The following CENATAC variants were observed in gnomAD, a reference collection of about 807,000 sequenced individuals.
CENATAC encodes the protein centrosomal AT-AC splicing factor, also known as coiled-coil domain containing 84.
Under a neutral mutation model 53.7 loss-of-function variants are expected in CENATAC, and 53 were observed. The observed-to-expected ratio is 0.99, with a 90% CI of 0.79 to 1.24. CENATAC has a LOEUF of 1.24. Ranked by LOEUF, CENATAC falls within the 50% of genes most tolerant of loss-of-function variation. The probability of loss-of-function intolerance (pLI) is 0.00; values close to 1 mark genes in which losing one functional copy is unlikely to be tolerated. For synonymous variants in CENATAC, 156 were observed against 144.6 expected (o/e 1.08, Z -0.57); for missense variants, 474 against 417.8 (o/e 1.13, Z -1.17).
In CENATAC at chr11:119,015,099, C is replaced by A; in HGVS notation, c.805+16C>A. The A allele has an allele frequency of 2.5e-6, 4 of 1,576,748 alleles. No homozygotes were observed. The highest frequency in any genetic ancestry group is 3.5e-6 in the Non-Finnish European group (4 of 1,151,798). ...CTTAAAGAAAGTAAGTAAACTAATT[C>A]AAGAGAGGATCGTCTAAATCTTCAC... On this transcript the variant is annotated intron_variant, in intron 9 of 10. Transcript: ENST00000334418.
intron 7 of CENATAC, chr11:119,012,822 A>G (rs1331539774): frequency 1.2e-5 from 2 of 173,036 alleles, no homozygotes; most frequent in African/African-American, 4.7e-5. Context: ...TTCAACTGTT[A>G]GCTCAAATGT....
chr11:119,007,570 G>A (rs1426643834), intron 3 of CENATAC, among the ~76,000 whole-genome samples: 1 of 152,040 alleles, frequency 6.6e-6, no homozygotes, highest in East Asian at 1.9e-4. Flanking sequence ...GCTCACTACA[G>A]CCTCAACCTC....
In CENATAC at chr11:119,013,231, G is replaced by T; in HGVS notation, c.685-1G>T. ...ACTTTTTTTCCCATTTCCAACTACA[G>T]GATATACCAGGAGTTGGTAACATCC... On this transcript the variant is annotated splice_acceptor_variant, in intron 7 of 10. Transcript: ENST00000334418. LOFTEE classifies it high-confidence loss of function. The T allele has an allele frequency of 6.2e-7, 1 of 1,608,264 alleles. No homozygotes were observed. The highest frequency in any genetic ancestry group is 1.1e-5 in the South Asian group (1 of 90,194).
chr11:118,998,394 TC>T (rs34269568), intron 1 of CENATAC, 35 bp from the exon 2 acceptor site: 1 of 1,611,594 alleles, frequency 6.2e-7, no homozygotes, highest in Non-Finnish European at 8.5e-7. Context: ...GATTTGGGGG[TC>T]CCCCTCGGGG....
At chr11:119,000,751 T>C (rs1215123380) in intron 3 of CENATAC, among the ~76,000 whole-genome samples, 2 of 151,796 alleles carry the variant, frequency 1.3e-5, no homozygotes, top group South Asian at 2.1e-4. Flanking sequence ...ATCGAAACTC[T>C]GTCTCAAAAG....
chr11:118,999,423 C>G (rs960121406), intron 3 of CENATAC: 1 of 238,992 alleles, frequency 4.2e-6, no homozygotes, highest in Non-Finnish European at 8.2e-6. Flanking sequence ...TGCTGCTCAG[C>G]CAGTACCTAC....
At chr11:119,014,817 C>A in intron 8 of CENATAC, 177 bp from the exon 9 acceptor site, 2 of 479,828 alleles carry the variant, frequency 4.2e-6, no homozygotes, top group South Asian at 3.7e-5. Flanking sequence ...ATGACTGTCA[C>A]ATATGGGGTA....
intron 9 of CENATAC, 86 bp downstream of exon 9, chr11:119,015,169 T>C (rs1407391125): frequency 6.9e-7 from 1 of 1,456,676 alleles, no homozygotes; most frequent in South Asian, 1.2e-5. Context: ...CTCATGGCTA[T>C]AATCCTAGCA....
chr11:119,014,890 C>A, intron 8 of CENATAC, 104 bp from the exon 9 acceptor site: 1 of 731,208 alleles, frequency 1.4e-6, no homozygotes, highest in South Asian at 2.1e-5. Context: ...TGCTTTTAGA[C>A]ATTTCTAGCT....
chr11:119,006,266 T>C (rs1219069022), intron 3 of CENATAC, among the ~76,000 whole-genome samples: 13 of 149,504 alleles, frequency 8.7e-5, no homozygotes, highest in Admixed American at 6.7e-4. Context: ...GATGGAGTCT[T>C]GTTCTGTCAC....
intron 8 of CENATAC, chr11:119,014,673 A>G (rs890864571): frequency 2.1e-5 from 4 of 190,552 alleles, no homozygotes; most frequent in Non-Finnish European, 4.3e-5. Flanking sequence ...TTGCCTGGAC[A>G]TGAAAATATT....
chr11:118,998,203 G>T lies in CENATAC; in HGVS notation c.6G>T (p.Ala2=). ...TGATACCGGGTACCCGGGCTATGGC[G>T]CCGGCGCAGCGCTGCCCTCTGTGCC... is the stretch of plus-strand genomic sequence containing the variant. M[A]PAQRCPLCRQ... Residue 2 remains alanine (A), a synonymous_variant, in exon 1 of 11, where the codon GCG becomes GCT. Coordinates refer to ENST00000334418, the MANE Select transcript of CENATAC (RefSeq NM_198489.3). 1 of 1,579,692 alleles carries T rather than the reference G, an allele frequency of 6.3e-7. No individual in the cohort carries two copies. The highest frequency in any genetic ancestry group is 8.6e-7 in the Non-Finnish European group (1 of 1,164,402).
Position 119,015,605 on chromosome 11 carries a change from T to G in CENATAC, c.*7T>G. The G allele has an allele frequency of 6.2e-7, 1 of 1,613,914 alleles. No individual in the cohort carries two copies. The highest frequency in any genetic ancestry group is 1.1e-5 in the South Asian group (1 of 91,072). The stretch of plus-strand genomic sequence containing the variant: ...ACATACAGAAAAAAGCTAATCATGC[T>G]CTCTACCAACTACCATGAGGCTAAA... On this transcript the variant is annotated 3_prime_UTR_variant, in exon 11 of 11. Coordinates refer to ENST00000334418, the MANE Select transcript of CENATAC (RefSeq NM_198489.3).
At chr11:119,013,142 A>T in intron 7 of CENATAC, 90 bp from the exon 8 acceptor site, 1 of 973,732 alleles carries the variant, frequency 1.0e-6, no homozygotes, top group Non-Finnish European at 1.6e-6. Flanking sequence ...CACCTCTTTT[A>T]AAGTGTGCTT....
chr11:119,012,228 C>T lies in CENATAC; in HGVS notation c.658C>T (p.Pro220Ser). The T allele has an allele frequency of 6.2e-7, 1 of 1,614,130 alleles. No homozygotes were observed. The highest frequency in any genetic ancestry group is 8.5e-7 in the Non-Finnish European group (1 of 1,180,034). ...APELDWMETGPSLTFIGHQDI... is the reference protein window; with the variant it reads ...APELDWMETGSSLTFIGHQDI... ...AGAGCTTGACTGGATGGAGACAGGA[C>T]CATCTCTGACATTCATTGGCCATCA... Residue 220 changes from proline (P) to serine (S), a missense_variant, in exon 7 of 11, where the codon CCA becomes TCA. Pro to Ser is a moderately conservative substitution (Grantham distance 74). Transcript: ENST00000334418.
At chr11:119,006,487 C>G (rs1282126760) in intron 3 of CENATAC, among the ~76,000 whole-genome samples, 3 of 152,106 alleles carry the variant, frequency 2.0e-5, no homozygotes, top group African/African-American at 7.2e-5. Flanking sequence ...CCGCCTGCCT[C>G]GGCCTCCCAA....
intron 3 of CENATAC, among the ~76,000 whole-genome samples, chr11:119,000,092 A>G (rs1942217026): frequency 6.6e-6 from 1 of 152,104 alleles, no homozygotes; most frequent in Admixed American, 6.6e-5. Context: ...GATTTTCTTA[A>G]TGGTATCTGG....
At chr11:119,001,566 T>C (rs955880256) in intron 3 of CENATAC, 1 of 451,764 alleles carries the variant, frequency 2.2e-6, no homozygotes, top group Non-Finnish European at 4.4e-6. Context: ...TCTACATATA[T>C]TTTATGCATT....
At chr11:119,005,216 C>T (rs942641838) in intron 3 of CENATAC, among the ~76,000 whole-genome samples, 2 of 152,136 alleles carry the variant, frequency 1.3e-5, no homozygotes, top group African/African-American at 4.8e-5. Flanking sequence ...CCTGTAATCC[C>T]AGCACTTTGG....
Sources: gnomAD v4.1 joint callset for allele counts (sites outside exome capture counted in the v4.1 genomes callset) on GRCh38, gnomAD v4.1.1 for gene constraint, MANE v1.5 for transcripts, NCBI Gene and HGNC (gene_info 2026-07-23, HGNC 2026-07-21) for gene names.